ANGPT2: variants seen among roughly 807,000 people sequenced by gnomAD.
The protein encoded by ANGPT2 is angiopoietin-2.
A neutral mutation model predicts 62.9 loss-of-function variants in ANGPT2; 28 were observed. The observed-to-expected ratio is 0.44, with a 90% CI of 0.33 to 0.61. The LOEUF (loss-of-function observed/expected upper bound fraction) is 0.61. Among genes scored for constraint, ANGPT2 ranks in the 20% least tolerant of loss-of-function variants. The probability of loss-of-function intolerance (pLI) is 0.03; values close to 1 mark genes in which losing one functional copy is unlikely to be tolerated. For synonymous variants in ANGPT2, 284 were observed against 207.8 expected, an observed-to-expected ratio of 1.37 and a Z score of -3.15; for missense variants, 727 against 594.9, an observed-to-expected ratio of 1.22 and a Z score of -2.31.
intron 6 of ANGPT2, 41 bp downstream of exon 6, chr8:6,514,636 C>T: frequency 6.4e-7 from 1 of 1,562,918 alleles, no homozygotes; most frequent in South Asian, 1.1e-5. Flanking sequence ...CTATTTTTCA[C>T]AAGGGAAATT....
chr8:6,543,670 G>A (rs946587419), intron 1 of ANGPT2, among the ~76,000 whole-genome samples: 4 of 152,092 alleles, frequency 2.6e-5, no homozygotes, highest in Admixed American at 1.3e-4. Context: ...TTTCATAACC[G>A]CTGAAGTTCG....
At chr8:6,560,147 G>A (rs996602309) in intron 1 of ANGPT2, among the ~76,000 whole-genome samples, 1 of 152,140 alleles carries the variant, frequency 6.6e-6, no homozygotes, top group African/African-American at 2.4e-5. Context: ...AAAAGTGTAC[G>A]GATTTTGTAG....
chr8:6,551,186 A>G (rs1171068679), intron 1 of ANGPT2, among the ~76,000 whole-genome samples: 1 of 152,150 alleles, frequency 6.6e-6, no homozygotes, highest in East Asian at 1.9e-4. Context: ...TGAGCTGGAT[A>G]GAGAAAGGGT....
intron 5 of ANGPT2, among the ~76,000 whole-genome samples, chr8:6,518,191 G>A (rs1052306429): frequency 3.3e-5 from 5 of 152,264 alleles, no homozygotes; most frequent in Admixed American, 6.5e-5. Context: ...CCTCTGCATC[G>A]GTGTCCATGG....
At chr8:6,538,122 A>G (rs900810905) in intron 1 of ANGPT2, among the ~76,000 whole-genome samples, 21 of 151,930 alleles carry the variant, frequency 1.4e-4, no homozygotes, top group South Asian at 2.1e-4. Context: ...TTCTATCCCA[A>G]TGATCCATCC....
Position 6,502,659 on chromosome 8 carries a change from T to C in ANGPT2, c.*442A>G, listed in dbSNP as rs1236310616. On this transcript the variant is annotated 3_prime_UTR_variant, in exon 9 of 9. Transcript: ENST00000629816. ...TTTTTCTTCCTTTTAATTGTGATAGTGATGGTGAATTCAGGACATATGGGT... is the reference window on the plus strand; with the variant it reads ...TTTTTCTTCCTTTTAATTGTGATAGCGATGGTGAATTCAGGACATATGGGT... 1 of 153,976 alleles carries C rather than the reference T, an allele frequency of 6.5e-6. No individual in the cohort carries two copies. Among genetic ancestry groups the C allele is most frequent in the Non-Finnish European group, 1.4e-5 (1 of 69,110 alleles). 9.5% of individuals were successfully genotyped at this position (153,976 alleles called of 1,614,324 possible).
intron 1 of ANGPT2, among the ~76,000 whole-genome samples, chr8:6,557,090 G>A (rs951818277): frequency 5.9e-5 from 9 of 152,150 alleles, no homozygotes; most frequent in Admixed American, 2.6e-4. Context: ...GAGAAATAAC[G>A]CACTTCTGCC....
rs1194640832 is a variant in ANGPT2 at position 6,532,591 on chromosome 8, A to AAAT, written c.289-105_289-104insATT. The AAAT allele has an allele frequency of 3.5e-6, 3 of 847,254 alleles. No individual in the cohort carries two copies. In the Admixed American group the frequency reaches 1.1e-4, roughly 32 times the overall value. The allele number at this position is 847,254 out of a possible 1,614,324, so 52.5% of individuals were successfully genotyped here. ...CCTATCTTTAAAAAAAAAAAAAAAA[A>AAAT]ATCTATCAAAAGACTTGTACCTTGC... On this transcript the variant is annotated intron_variant, in intron 1 of 8. Transcript: ENST00000629816.
chr8:6,543,596 T>G (rs1394692242), intron 1 of ANGPT2, among the ~76,000 whole-genome samples: 1 of 152,170 alleles, frequency 6.6e-6, no homozygotes, highest in Admixed American at 6.5e-5. Flanking sequence ...AAAAGAAATG[T>G]GTTCTTTCCT....
intron 2 of ANGPT2, among the ~76,000 whole-genome samples, 164 bp from the exon 3 acceptor site, chr8:6,527,840 C>T (rs1009654922): frequency 2.6e-5 from 4 of 151,236 alleles, no homozygotes; most frequent in South Asian, 2.1e-4. Flanking sequence ...AGAAAAGGCT[C>T]AATGTCTTAG....
At chr8:6,556,826 G>A (rs1824700231) in intron 1 of ANGPT2, among the ~76,000 whole-genome samples, 1 of 152,008 alleles carries the variant, frequency 6.6e-6, no homozygotes. Context: ...TGGCCTCAAA[G>A]TGTCTTCCCA....
At chr8:6,525,086 T>C (rs1011233690) in intron 3 of ANGPT2, among the ~76,000 whole-genome samples, 6 of 152,354 alleles carry the variant, frequency 3.9e-5, no homozygotes, top group African/African-American at 7.2e-5. Context: ...AATCCACCTT[T>C]TTTTGACAGT....
chr8:6,512,850 G>A (rs1476852043), intron 7 of ANGPT2, among the ~76,000 whole-genome samples: 1 of 152,206 alleles, frequency 6.6e-6, no homozygotes, highest in Non-Finnish European at 1.5e-5. Flanking sequence ...TGAATCTGAT[G>A]TATTTCCTGT....
At chr8:6,509,118 T>C in intron 7 of ANGPT2, 56 bp from the exon 8 acceptor site, 3 of 1,578,282 alleles carry the variant, frequency 1.9e-6, no homozygotes, top group Non-Finnish European at 2.6e-6. Flanking sequence ...TTTACCGTAG[T>C]GGCAAATTTT....
chr8:6,527,494 C>T (rs1211232836), intron 3 of ANGPT2, 61 bp downstream of exon 3: 69 of 1,567,784 alleles, frequency 4.4e-5, no homozygotes, highest in Non-Finnish European at 3.6e-5. Flanking sequence ...CATTTGAGAC[C>T]GACTTTCATA....
At chr8:6,526,257 TAAAAAA>T (rs35519559) in intron 3 of ANGPT2, among the ~76,000 whole-genome samples, 5 of 77,500 alleles carry the variant, frequency 6.5e-5, no homozygotes, top group East Asian at 5.0e-4. Context: ...TTGCCTCTAC[TAAAAAA>T]AAAAAAAAAA....
rs1491175282 is a variant in ANGPT2, at chr8:6,505,447, A to AG, written c.1328-2187_1328-2186insC. Among the ~76,000 whole-genome samples, 13 of 84,270 alleles carry AG rather than the reference A, an allele frequency of 1.5e-4. 1 individual carries two copies. Among genetic ancestry groups the AG allele is most frequent in the African/African-American group, 5.2e-4 (13 of 24,888 alleles). 55.3% of individuals were successfully genotyped at this position (84,270 alleles called of 152,430 possible). A position where few individuals can be genotyped will look rare whatever the true frequency, so the allele number is the denominator to read the frequency against. ...TAAAGAATATATATATTCTTTATATACATATAGAATATATATATTCTTTAC... is the reference window on the plus strand; with the variant it reads ...TAAAGAATATATATATTCTTTATATAGCATATAGAATATATATATTCTTTAC... On this transcript the variant is annotated intron_variant, in intron 8 of 8. Coordinates refer to ENST00000629816, the MANE Select transcript of ANGPT2 (RefSeq NM_001118887.2).
rs2922805 is a variant in ANGPT2 at position 6,500,467 on chromosome 8, G to C, written c.*2634C>G. On this transcript the variant is annotated 3_prime_UTR_variant, in exon 9 of 9. Transcript: ENST00000629816. ...GGATTGTGCAGAAGTTGCCTTTCAT[G>C]TTCAAAAATGTTAATTTGTTTGTCA... The C allele has an allele frequency of 6.6e-6, 1 of 152,598 alleles. No individual in the cohort carries two copies. Among genetic ancestry groups the C allele is most frequent in the East Asian group, 1.9e-4 (1 of 5,206 alleles). The allele number at this position is 152,598 out of a possible 1,614,324, so 9.5% of individuals were successfully genotyped here. A position where few individuals can be genotyped will look rare whatever the true frequency, so the allele number is the denominator to read the frequency against.
At chr8:6,529,873 A>T (rs550798356) in intron 2 of ANGPT2, among the ~76,000 whole-genome samples, 1 of 125,256 alleles carries the variant, frequency 8.0e-6, no homozygotes, top group African/African-American at 2.6e-5. Flanking sequence ...ATCTAGTTTC[A>T]CAATAGGCGT....
Sources: gnomAD v4.1 joint callset for allele counts (sites outside exome capture counted in the v4.1 genomes callset) on GRCh38, gnomAD v4.1.1 for gene constraint, MANE v1.5 for transcripts, NCBI Gene and HGNC (gene_info 2026-07-23, HGNC 2026-07-21) for gene names.